FGL1: variants seen among roughly 807,000 people sequenced by gnomAD.
FGL1 encodes fibrinogen like 1, also known as fibrinogen-like protein 1.
Under a neutral mutation model 43.7 loss-of-function variants are expected in FGL1, and 59 were observed. The ratio of observed to expected loss-of-function variants is 1.35; its 90% CI spans 1.10 to 1.68. FGL1 has a LOEUF of 1.68. Among genes scored for constraint, FGL1 ranks in the 40% most tolerant of loss-of-function variants. FGL1 has a pLI of 0.00. For missense variants in FGL1, 596 were observed against 373.0 expected, an observed-to-expected ratio of 1.60 and a Z score of -4.92; for synonymous variants, 192 against 126.5, an observed-to-expected ratio of 1.52 and a Z score of -3.48.
chr8:17,873,984 T>C (rs1484264602), intron 5 of FGL1, 35 bp downstream of exon 5: 6 of 1,459,600 alleles, frequency 4.1e-6, no homozygotes, highest in Non-Finnish European at 4.6e-6. Context: ...GTTTTTATTA[T>C]ATTTCAAATA....
chr8:17,884,572 G>T (rs2053600341), intron 2 of FGL1, among the ~76,000 whole-genome samples: 1 of 152,118 alleles, frequency 6.6e-6, no homozygotes, highest in African/African-American at 2.4e-5. Context: ...ATAGTTATTT[G>T]CTTAGCACCT....
chr8:17,867,429 A>T (rs1043204790), intron 7 of FGL1, among the ~76,000 whole-genome samples: 1 of 152,226 alleles, frequency 6.6e-6, no homozygotes, highest in African/African-American at 2.4e-5. Context: ...GAAAAAAACC[A>T]TCTATAGTAG....
In FGL1 at chr8:17,868,312, A is replaced by T. The variant is rs181027721; in HGVS notation, c.779+236T>A. 4.2e-4 allele frequency: 133 copies of T among 315,566 alleles called. 1 individual carries two copies. The East Asian group carries it at 6.9e-3, about 16-fold the overall frequency. 19.5% of individuals were successfully genotyped at this position (315,566 alleles called of 1,614,324 possible). Reference sequence around the variant, plus strand: ...TAACTCATCCATAATTCAGTTTGCAAATGATCTTTGTAAAAGTAATAATTT... The same window carrying T: ...TAACTCATCCATAATTCAGTTTGCATATGATCTTTGTAAAAGTAATAATTT... On this transcript the variant is annotated intron_variant, in intron 7 of 7. Coordinates refer to ENST00000427924, the MANE Select transcript of FGL1 (RefSeq NM_004467.4).
intron 5 of FGL1, among the ~76,000 whole-genome samples, chr8:17,873,346 G>A (rs2053393676): frequency 6.6e-6 from 1 of 152,224 alleles, no homozygotes; most frequent in Admixed American, 6.5e-5. Flanking sequence ...TGGAAGATGA[G>A]AGACCCTATG....
At chr8:17,868,483 A>T (rs991973610) in intron 7 of FGL1, 65 bp downstream of exon 7, 1 of 1,200,192 alleles carries the variant, frequency 8.3e-7, no homozygotes, top group Non-Finnish European at 1.1e-6. Flanking sequence ...TATTATATTG[A>T]TAATTAATGT....
Position 17,875,537 on chromosome 8 carries a change from CTTTCTTTCTTTCTT to C in FGL1, c.245-1030_245-1017del. Among the ~76,000 whole-genome samples, 51 of 12,256 alleles carry C rather than the reference CTTTCTTTCTTTCTT, an allele frequency of 4.2e-3. 9 individuals carry two copies. Among genetic ancestry groups the C allele is most frequent in the African/African-American group, 0.012 (50 of 4,136 alleles). 8.0% of individuals were successfully genotyped at this position (12,256 alleles called of 152,430 possible). A position where few individuals can be genotyped will look rare whatever the true frequency, so the allele number is the denominator to read the frequency against. On this transcript the variant is annotated intron_variant, in intron 3 of 7. Transcript: ENST00000427924. Reference sequence around the variant, plus strand: ...TTTCTTTCTTTCTTTCTTTCTTTCTCTTTCTTTCTTTCTTTCTTTCTTTCTTTCTTTCTTTCTTT... The same window carrying C: ...TTTCTTTCTTTCTTTCTTTCTTTCTCTCTTTCTTTCTTTCTTTCTTTCTTT...
At chr8:17,875,740 G>C (rs929928878) in intron 3 of FGL1, among the ~76,000 whole-genome samples, 1 of 151,928 alleles carries the variant, frequency 6.6e-6, no homozygotes, top group African/African-American at 2.4e-5. Flanking sequence ...GAGTAGCTGG[G>C]ATCACAGCCA....
chr8:17,885,584 A>G lies in FGL1; in HGVS notation c.-17-13T>C, dbSNP rs2053615505. On this transcript the variant is annotated splice_polypyrimidine_tract_variant and intron_variant, in intron 1 of 7. Coordinates refer to ENST00000427924, the MANE Select transcript of FGL1 (RefSeq NM_004467.4). ...CCCCTTGAAAAAACTGCAAGAACAA[A>G]AAGAATTTTATAAATGTATCAACCT... is the stretch of plus-strand genomic sequence containing the variant. The G allele has an allele frequency of 6.2e-7, 1 of 1,610,068 alleles. No homozygotes were observed. The highest frequency in any genetic ancestry group is 8.5e-7 in the Non-Finnish European group (1 of 1,177,762).
At chr8:17,880,318 C>T (rs2053516026) in intron 3 of FGL1, among the ~76,000 whole-genome samples, 1 of 152,216 alleles carries the variant, frequency 6.6e-6, no homozygotes, top group Admixed American at 6.5e-5. Flanking sequence ...TTAAGAGTCT[C>T]ATGCGCTACA....
rs17850145 is a variant in FGL1, at chr8:17,885,513, C to T, written c.42G>A (p.Leu14=). ...TTACCGAAATTTCCCTGCCCATTGTCAGAGCGGTGGTAACAAGGATGAAAC... is the reference window on the plus strand; with the variant it reads ...TTACCGAAATTTCCCTGCCCATTGTTAGAGCGGTGGTAACAAGGATGAAAC... ...VFSFILVTTA[L]TMGREISALE... is the part of the protein sequence containing the mutation. The change falls in exon 2 of 8, where the codon CTG becomes CTA. Residue 14 remains leucine (L), a synonymous_variant. Coordinates refer to ENST00000427924, the MANE Select transcript of FGL1 (RefSeq NM_004467.4). The T allele has an allele frequency of 1.2e-6, 2 of 1,613,392 alleles. No individual in the cohort carries two copies. Among genetic ancestry groups the T allele is most frequent in the Non-Finnish European group, 8.5e-7 (1 of 1,179,536 alleles).
chr8:17,890,984 C>T (rs1007454928), intron 1 of FGL1, among the ~76,000 whole-genome samples: 2 of 152,158 alleles, frequency 1.3e-5, no homozygotes, highest in Non-Finnish European at 2.9e-5. Flanking sequence ...AACAACATCA[C>T]CCACACACTT....
chr8:17,870,108 G>T (rs961694356), intron 5 of FGL1, among the ~76,000 whole-genome samples: 1 of 151,390 alleles, frequency 6.6e-6, no homozygotes, highest in Non-Finnish European at 1.5e-5. Context: ...AGACTCCGTC[G>T]CAAAAAACAA....
At chr8:17,875,178 T>A (rs1006379468) in intron 3 of FGL1, among the ~76,000 whole-genome samples, 1 of 152,180 alleles carries the variant, frequency 6.6e-6, no homozygotes, top group Non-Finnish European at 1.5e-5. Context: ...CTTGTAAAAA[T>A]CTTTATTATT....
At chr8:17,874,172 C>G (rs956731771) in intron 4 of FGL1, 56 bp from the exon 5 acceptor site, 1 of 1,428,154 alleles carries the variant, frequency 7.0e-7, no homozygotes, top group Non-Finnish European at 9.8e-7. Context: ...GGTACCAAAG[C>G]GACCACCACC....
At chr8:17,871,515 A>AC (rs781687822) in intron 5 of FGL1, among the ~76,000 whole-genome samples, 1 of 151,718 alleles carries the variant, frequency 6.6e-6, no homozygotes. Context: ...AAAAAAAAAA[A>AC]CTTCTATTAT....
intron 3 of FGL1, among the ~76,000 whole-genome samples, chr8:17,879,279 C>T (rs769891914): frequency 4.0e-5 from 6 of 151,884 alleles, no homozygotes; most frequent in Non-Finnish European, 5.9e-5. Flanking sequence ...ACCTTGGCAT[C>T]GTAATTTCCA....
rs754368325 is a variant in FGL1, at chr8:17,868,686, G to T, written c.641C>A (p.Ser214Tyr). The change falls in exon 7 of 8, where the codon TCC (serine) becomes TAC (tyrosine). Residue 214 changes from serine (S) to tyrosine (Y), a missense_variant. Coordinates refer to ENST00000427924, the MANE Select transcript of FGL1 (RefSeq NM_004467.4). ...CTCAGGATGAAAATTCCCCGCAAGG[G>T]AATCTCCAGCTGTTCCAGAATATTC... ...IGEYSGTAGD[S>Y]LAGNFHPEVQ... The T allele has an allele frequency of 6.2e-7, 1 of 1,613,640 alleles. No individual in the cohort carries two copies. The highest frequency in any genetic ancestry group is 1.1e-5 in the South Asian group (1 of 91,024).
At chr8:17,877,656 T>C (rs2053476354) in intron 3 of FGL1, among the ~76,000 whole-genome samples, 1 of 151,844 alleles carries the variant, frequency 6.6e-6, no homozygotes, top group South Asian at 2.1e-4. Flanking sequence ...ATAGTAGGTG[T>C]ATGTATTTGT....
intron 3 of FGL1, among the ~76,000 whole-genome samples, chr8:17,877,690 A>G (rs956330536): frequency 6.6e-6 from 1 of 152,172 alleles, no homozygotes; most frequent in Non-Finnish European, 1.5e-5. Context: ...ATATTTTGAT[A>G]AAGGCATGCA....
Sources: gnomAD v4.1 joint callset for allele counts (sites outside exome capture counted in the v4.1 genomes callset) on GRCh38, gnomAD v4.1.1 for gene constraint, MANE v1.5 for transcripts, NCBI Gene and HGNC (gene_info 2026-07-23, HGNC 2026-07-21) for gene names.